MYOF: variants seen among roughly 807,000 people sequenced by gnomAD.
MYOF encodes the protein fer-1-like 3, myoferlin.
In MYOF, 244 loss-of-function variants were observed where a neutral mutation model predicts 284.2. That is an observed-to-expected ratio of 0.86 (90% CI 0.77 to 0.95). The LOEUF (loss-of-function observed/expected upper bound fraction) is 0.95. Ranked by LOEUF, MYOF falls within the 40% of genes least tolerant of loss-of-function variation. The probability of loss-of-function intolerance (pLI) is 0.00; values close to 1 mark genes in which losing one functional copy is unlikely to be tolerated. For missense variants in MYOF, 2,496 were observed against 2,560.6 expected (o/e 0.97, Z 0.54); for synonymous variants, 904 against 919.7 (o/e 0.98, Z 0.31).
At chr10:93,477,368 T>G (rs2134408607) in intron 1 of MYOF, among the ~76,000 whole-genome samples, 1 of 152,038 alleles carries the variant, frequency 6.6e-6, no homozygotes, top group Admixed American at 6.6e-5. Context: ...GGCGCATGCC[T>G]GTAATCCCAG....
intron 5 of MYOF, among the ~76,000 whole-genome samples, chr10:93,421,370 A>G (rs2134171927): frequency 6.6e-6 from 1 of 152,286 alleles, no homozygotes; most frequent in East Asian, 1.9e-4. Flanking sequence ...TATTCCCCCA[A>G]GATTGTAAGT....
chr10:93,481,964 C>T (rs75929587), intron 1 of MYOF, 143 bp downstream of exon 1: 41,665 of 718,608 alleles, frequency 0.058, 1,518 homozygotes, highest in Middle Eastern at 0.084. Context: ...AACGGGTCCT[C>T]TCCCCTGTCC....
intron 37 of MYOF, among the ~76,000 whole-genome samples, chr10:93,346,729 T>TC (rs1844200132): frequency 6.6e-6 from 1 of 152,184 alleles, no homozygotes; most frequent in South Asian, 2.1e-4. Flanking sequence ...CTTCCTGTTT[T>TC]CCCCATCAAG....
chr10:93,349,909 TGG>T lies in MYOF; in HGVS notation c.3980_3981del (p.Pro1327GlnfsTer20), dbSNP rs1844421564. 2 of 1,614,156 alleles carry T rather than the reference TGG, an allele frequency of 1.2e-6. No homozygotes were observed. Among genetic ancestry groups the T allele is most frequent in the Non-Finnish European group, 8.5e-7 (1 of 1,180,036 alleles). ...TCTCCTCCACACTCCACAACAAGAC[TGG>T]GGGATGTGATAGAAGCCATCTGGAA... ...KNFQMASITS[P>X]SLVVECGGER... is the part of the protein sequence containing the mutation. On this transcript the variant is annotated frameshift_variant, in exon 36 of 54. Coordinates refer to ENST00000359263, the MANE Select transcript of MYOF (RefSeq NM_013451.4). LOFTEE classifies it high-confidence loss of function.
At chr10:93,367,131 C>T (rs942126892) in intron 25 of MYOF, among the ~76,000 whole-genome samples, 1 of 152,178 alleles carries the variant, frequency 6.6e-6, no homozygotes, top group Non-Finnish European at 1.5e-5. Flanking sequence ...AAGTTATGAG[C>T]CTTAATTCCA....
chr10:93,336,938 GGAAA>G (rs1334660992), intron 40 of MYOF, among the ~76,000 whole-genome samples: 1 of 148,022 alleles, frequency 6.8e-6, no homozygotes, highest in African/African-American at 2.6e-5. Flanking sequence ...AAGGAAGGAA[GGAAA>G]GAAAGGTAGG....
At chr10:93,470,263 A>AAAG (rs1425505467) in intron 1 of MYOF, among the ~76,000 whole-genome samples, 2 of 150,636 alleles carry the variant, frequency 1.3e-5, no homozygotes, top group Non-Finnish European at 3.0e-5. Flanking sequence ...AGAAAGAAAG[A>AAAG]AAGAAAATAA....
chr10:93,346,940 A>C (rs1345433774), intron 37 of MYOF, among the ~76,000 whole-genome samples: 1 of 152,222 alleles, frequency 6.6e-6, no homozygotes, highest in Non-Finnish European at 1.5e-5. Context: ...CTGATGTGGG[A>C]ACAGCTCTCC....
At chr10:93,443,317 C>T (rs957094120) in intron 3 of MYOF, among the ~76,000 whole-genome samples, 4 of 152,138 alleles carry the variant, frequency 2.6e-5, no homozygotes, top group Non-Finnish European at 5.9e-5. Flanking sequence ...CCCCGGTTGG[C>T]GGGAACATAA....
intron 19 of MYOF, among the ~76,000 whole-genome samples, chr10:93,387,270 A>C (rs1446590828): frequency 3.9e-5 from 6 of 152,224 alleles, no homozygotes; most frequent in Admixed American, 3.9e-4. Flanking sequence ...GGCCGCGGGC[A>C]GAGGGGCATC....
intron 5 of MYOF, among the ~76,000 whole-genome samples, chr10:93,416,313 T>C (rs181566949): frequency 6.6e-6 from 1 of 152,138 alleles, no homozygotes; most frequent in Non-Finnish European, 1.5e-5. Context: ...GGTCAGGAGT[T>C]CAAGACCAGC....
chr10:93,353,611 C>T (rs113316931), intron 32 of MYOF, among the ~76,000 whole-genome samples, 200 bp downstream of exon 32: 232 of 152,234 alleles, frequency 1.5e-3, no homozygotes, highest in African/African-American at 5.2e-3. Context: ...CTATGTATTA[C>T]TAGGACCCAG....
At chr10:93,407,000 T>C (rs1057510337) in intron 7 of MYOF, among the ~76,000 whole-genome samples, 1 of 152,108 alleles carries the variant, frequency 6.6e-6, no homozygotes, top group African/African-American at 2.4e-5. Flanking sequence ...GCCAAGACTC[T>C]GAAAAGTTCC....
Position 93,381,494 on chromosome 10 carries a change from T to C in MYOF, c.1699-98A>G. ...ACGCAATTCTACACCTAATAATTAG[T>C]GCTGAATTAAATGACAGGGGAGAAT... On this transcript the variant is annotated intron_variant, in intron 19 of 53. Transcript: ENST00000359263. 3 of 1,236,662 alleles carry C rather than the reference T, an allele frequency of 2.4e-6. No homozygotes were observed. The South Asian group carries it at 4.3e-5, about 18-fold the overall frequency. The allele number at this position is 1,236,662 out of a possible 1,614,324, so 76.6% of individuals were successfully genotyped here.
At chr10:93,380,828 C>T (rs1846076270) in intron 20 of MYOF, among the ~76,000 whole-genome samples, 1 of 152,188 alleles carries the variant, frequency 6.6e-6, no homozygotes, top group South Asian at 2.1e-4. Context: ...AGCATGATTT[C>T]CCAGTAGCTG....
intron 5 of MYOF, 77 bp from the exon 6 acceptor site, chr10:93,409,816 C>T (rs756053970): frequency 2.2e-5 from 34 of 1,539,182 alleles, no homozygotes; most frequent in Non-Finnish European, 2.7e-5. Flanking sequence ...TTCCAGGACA[C>T]GGTTTTGTCT....
At position 93,380,001 on chromosome 10, in the gene MYOF, T is replaced by C. The variant is rs951867749; in HGVS notation, c.1877-14A>G. 2.6e-5 allele frequency: 42 copies of C among 1,610,768 alleles called. No homozygotes were observed. The East Asian group carries it at 7.1e-4, about 27-fold the overall frequency. The stretch of plus-strand genomic sequence containing the variant: ...AATAGTAGTTGCCTGGTATAAAACA[T>C]TGGGGGTCAATGAACACTGAACACT... On this transcript the variant is annotated splice_polypyrimidine_tract_variant and intron_variant, in intron 20 of 53. Transcript: ENST00000359263.
At chr10:93,474,000 C>A (rs2057205406) in intron 1 of MYOF, among the ~76,000 whole-genome samples, 1 of 152,192 alleles carries the variant, frequency 6.6e-6, no homozygotes, top group Non-Finnish European at 1.5e-5. Context: ...TGCACTCGCC[C>A]ACAGGGTGCA....
intron 26 of MYOF, among the ~76,000 whole-genome samples, chr10:93,364,418 C>T (rs191092660): frequency 9.2e-5 from 14 of 152,290 alleles, no homozygotes; most frequent in Admixed American, 7.2e-4. Context: ...GTTTCAGTTC[C>T]GGGCTGCTCA....
Sources: allele counts gnomAD v4.1 joint callset (sites outside exome capture counted in the v4.1 genomes callset), GRCh38; gene constraint gnomAD v4.1.1; transcripts MANE v1.5; gene names NCBI Gene and HGNC (gene_info 2026-07-23, HGNC 2026-07-21).